TRAF5: variants seen among roughly 807,000 people sequenced by gnomAD.
The protein encoded by TRAF5 is TNF receptor-associated factor 5.
Under a neutral mutation model 64.5 loss-of-function variants are expected in TRAF5, and 48 were observed. That is an observed-to-expected ratio of 0.74 (90% CI 0.59 to 0.95). The LOEUF is 0.95. Among genes scored for constraint, TRAF5 ranks in the 40% least tolerant of loss-of-function variants. The probability of loss-of-function intolerance (pLI) is 0.00; values close to 1 mark genes in which losing one functional copy is unlikely to be tolerated. For synonymous variants in TRAF5, 206 were observed against 240.5 expected, an observed-to-expected ratio of 0.86 and a Z score of 1.33; for missense variants, 545 against 662.8, an observed-to-expected ratio of 0.82 and a Z score of 1.95.
intron 1 of TRAF5, among the ~76,000 whole-genome samples, chr1:211,341,363 C>T (rs1354910052): frequency 6.6e-6 from 1 of 152,134 alleles, no homozygotes; most frequent in Non-Finnish European, 1.5e-5. Context: ...CCAAATGTCA[C>T]ATAAAGGGCA....
intron 4 of TRAF5, chr1:211,357,571 C>A (rs549683632): frequency 2.0e-5 from 3 of 152,098 alleles, no homozygotes; most frequent in Non-Finnish European, 4.4e-5. Flanking sequence ...TTTTATATTT[C>A]CCCTCATTCC....
At chr1:211,328,549 G>T (rs557446995) in intron 1 of TRAF5, among the ~76,000 whole-genome samples, 2 of 152,148 alleles carry the variant, frequency 1.3e-5, no homozygotes, top group African/African-American at 2.4e-5. Context: ...GTAGTAGGGC[G>T]ATGGAAAGAG....
At chr1:211,360,474 G>T in intron 5 of TRAF5, 2 of 517,912 alleles carry the variant, frequency 3.9e-6, no homozygotes, top group East Asian at 3.2e-5. Flanking sequence ...TACCTTCTTT[G>T]AATCCTGTGT....
At chr1:211,329,291 G>T (rs957860043) in intron 1 of TRAF5, among the ~76,000 whole-genome samples, 1 of 152,224 alleles carries the variant, frequency 6.6e-6, no homozygotes, top group Admixed American at 6.5e-5. Context: ...CTCCCTTGGG[G>T]TCTGAGCTGC....
At chr1:211,341,984 C>A in intron 1 of TRAF5, among the ~76,000 whole-genome samples, 1 of 152,116 alleles carries the variant, frequency 6.6e-6, no homozygotes, top group East Asian at 1.9e-4. Flanking sequence ...TTAATAATAG[C>A]CCTTATGACA....
intron 5 of TRAF5, chr1:211,360,445 T>TGCTG (rs555369815): frequency 2.3e-4 from 115 of 510,932 alleles, no homozygotes; most frequent in African/African-American, 2.0e-3. Flanking sequence ...GAAGGAGCTA[T>TGCTG]GCTGGCAGTT....
At chr1:211,353,587 G>A (rs1396005266) in intron 2 of TRAF5, 130 bp downstream of exon 2, 2 of 854,518 alleles carry the variant, frequency 2.3e-6, no homozygotes, top group African/African-American at 3.4e-5. Flanking sequence ...TGTAAGGAAG[G>A]ACTCTCCCAG....
chr1:211,361,051 G>A, intron 6 of TRAF5, 37 bp from the exon 7 acceptor site: 1 of 1,601,918 alleles, frequency 6.2e-7, no homozygotes, highest in African/African-American at 1.3e-5. Context: ...GAGAATAAGT[G>A]ATGAATTTCT....
chr1:211,366,050 G>A (rs1055343122), intron 8 of TRAF5, among the ~76,000 whole-genome samples: 9 of 152,182 alleles, frequency 5.9e-5, no homozygotes, highest in East Asian at 3.8e-4. Flanking sequence ...CTGCCATAGT[G>A]CCTGTGGCAT....
intron 8 of TRAF5, chr1:211,369,190 A>G (rs893015997): frequency 2.2e-5 from 5 of 225,716 alleles, no homozygotes; most frequent in Non-Finnish European, 3.4e-5. Flanking sequence ...CAGTCAGGTG[A>G]TGTCTGTCAT....
chr1:211,369,346 A>AT (rs1004634877), intron 8 of TRAF5, 106 bp from the exon 9 acceptor site: 20 of 1,052,952 alleles, frequency 1.9e-5, no homozygotes, highest in South Asian at 2.5e-5. Context: ...AAATATGTAG[A>AT]TTTTTTCCTA....
At chr1:211,342,559 C>G (rs938519515) in intron 1 of TRAF5, among the ~76,000 whole-genome samples, 2 of 152,150 alleles carry the variant, frequency 1.3e-5, no homozygotes, top group Non-Finnish European at 2.9e-5. Flanking sequence ...ACCCTGTTAT[C>G]AAATACTAGA....
chr1:211,334,583 A>G (rs1702242215), intron 1 of TRAF5, among the ~76,000 whole-genome samples: 1 of 152,144 alleles, frequency 6.6e-6, no homozygotes, highest in Non-Finnish European at 1.5e-5. Flanking sequence ...ACTTGAACCC[A>G]GGAGGCGGAG....
chr1:211,337,158 A>C (rs1425404579), intron 1 of TRAF5, among the ~76,000 whole-genome samples: 1 of 152,256 alleles, frequency 6.6e-6, no homozygotes, highest in East Asian at 1.9e-4. Context: ...TATGTTAGGC[A>C]GTAATAAGTG....
At chr1:211,368,365 A>G (rs1703420268) in intron 8 of TRAF5, among the ~76,000 whole-genome samples, 1 of 152,196 alleles carries the variant, frequency 6.6e-6, no homozygotes, top group Non-Finnish European at 1.5e-5. Context: ...AGCCAGGGAG[A>G]GCATTCATGC....
At chr1:211,368,404 A>G (rs1703421181) in intron 8 of TRAF5, among the ~76,000 whole-genome samples, 1 of 152,216 alleles carries the variant, frequency 6.6e-6, no homozygotes, top group Non-Finnish European at 1.5e-5. Flanking sequence ...ATATTTATTA[A>G]GCACCTACTG....
intron 1 of TRAF5, among the ~76,000 whole-genome samples, chr1:211,337,069 A>G (rs1702321381): frequency 6.6e-6 from 1 of 152,388 alleles, no homozygotes; most frequent in South Asian, 2.1e-4. Flanking sequence ...TCAGTACCCA[A>G]AGAAACAATC....
At chr1:211,354,973 G>C (rs1034650349) in intron 3 of TRAF5, among the ~76,000 whole-genome samples, 6 of 152,128 alleles carry the variant, frequency 3.9e-5, no homozygotes, top group African/African-American at 1.4e-4. Flanking sequence ...AGGAGTTTGA[G>C]ACCAGCTTGA....
chr1:211,363,622 A>G (rs888470948), intron 7 of TRAF5, among the ~76,000 whole-genome samples: 23 of 152,228 alleles, frequency 1.5e-4, no homozygotes, highest in African/African-American at 5.3e-4. Context: ...AAATCAGCGA[A>G]GAGTCTATAA....
Sources: gnomAD v4.1 joint callset for allele counts (sites outside exome capture counted in the v4.1 genomes callset) on GRCh38, gnomAD v4.1.1 for gene constraint, MANE v1.5 for transcripts, NCBI Gene and HGNC (gene_info 2026-07-23, HGNC 2026-07-21) for gene names.